PPIE: variants seen among roughly 807,000 people sequenced by gnomAD.
The protein encoded by PPIE is peptidyl-prolyl cis-trans isomerase E.
Under a neutral mutation model 38.4 loss-of-function variants are expected in PPIE, and 20 were observed. That is an observed-to-expected ratio of 0.52 (90% CI 0.37 to 0.76). The LOEUF (loss-of-function observed/expected upper bound fraction) is 0.76. PPIE is among the 30% of genes least tolerant of loss of function. The pLI is 0.00. For missense variants in PPIE, 322 were observed against 385.8 expected (o/e 0.83, Z 1.39); for synonymous variants, 142 against 135.7 (o/e 1.05, Z -0.32).
At chr1:39,762,158 A>G (rs1022353266) in intron 9 of PPIE, among the ~76,000 whole-genome samples, 4 of 152,252 alleles carry the variant, frequency 2.6e-5, no homozygotes, top group African/African-American at 9.6e-5. Flanking sequence ...AAGCATTATC[A>G]TAGGCTCAGA....
Position 39,754,256 on chromosome 1 carries a change from C to T in PPIE, c.*901C>T, listed in dbSNP as rs1648049606. 4.9e-6 allele frequency: 1 copy of T among 202,318 alleles called. No homozygotes were observed. The highest frequency in any genetic ancestry group is 6.5e-5 in the Admixed American group (1 of 15,332). The allele number at this position is 202,318 out of a possible 1,614,324, so 12.5% of individuals were successfully genotyped here. ...TATAGACACAATACAGGCTATGGTC[C>T]CTGTATTAGGGTTTTCTAGAGAAGC... On this transcript the variant is annotated 3_prime_UTR_variant, in exon 10 of 10. Coordinates refer to ENST00000324379, the MANE Select transcript of PPIE (RefSeq NM_006112.4).
intron 9 of PPIE, 33 bp downstream of exon 9, chr1:39,753,085 C>T (rs375447814): frequency 1.6e-5 from 26 of 1,613,150 alleles, no homozygotes; most frequent in Non-Finnish European, 2.1e-5. Context: ...CCTCCTTACC[C>T]AGGCCCTAGG....
At chr1:39,762,690 A>G in intron 9 of PPIE, 2 of 1,487,784 alleles carry the variant, frequency 1.3e-6, no homozygotes, top group Non-Finnish European at 1.8e-6. Flanking sequence ...CACTGTGCAC[A>G]CATATCACGG....
At chr1:39,752,748 G>A (rs1240342038) in intron 8 of PPIE, among the ~76,000 whole-genome samples, 162 bp from the exon 9 acceptor site, 1 of 152,242 alleles carries the variant, frequency 6.6e-6, no homozygotes, top group Non-Finnish European at 1.5e-5. Flanking sequence ...CCATTTCACT[G>A]ACTATTAACT....
intron 9 of PPIE, chr1:39,762,594 A>C: frequency 6.5e-7 from 1 of 1,550,262 alleles, no homozygotes. Flanking sequence ...ACTGGGGGAA[A>C]AGCCAAAAGG....
rs769376730 is a variant in PPIE at position 39,743,943 on chromosome 1, C to CT, written c.384+21dup. On this transcript the variant is annotated intron_variant, in intron 6 of 9. Coordinates refer to ENST00000324379, the MANE Select transcript of PPIE (RefSeq NM_006112.4). ...CCAGGAGGTGAGAATGAAGCTCCTG[C>CT]TTCCAGAGCACAGGCCGGCGCTGTC... is the stretch of plus-strand genomic sequence containing the variant. The CT allele has an allele frequency of 1.3e-6, 2 of 1,574,636 alleles. No individual in the cohort carries two copies. The highest frequency in any genetic ancestry group is 2.2e-5 in the South Asian group (2 of 90,204).
chr1:39,747,455 C>CTTTTTTTTTTTTTTTTT, intron 7 of PPIE: 1 of 72,972 alleles, frequency 1.4e-5, no homozygotes, highest in Non-Finnish European at 2.5e-5. Flanking sequence ...CACATCTTCT[C>CTTTTTTTTTTTTTTTTT]TTTTTTTTTT....
At chr1:39,760,783 C>A (rs192691674), downstream of PPIE, among the ~76,000 whole-genome samples, 13 of 152,268 alleles carry the variant, frequency 8.5e-5, no homozygotes, top group African/African-American at 2.2e-4. Context: ...GGGAGGGACA[C>A]ATGGCAGGGG....
At chr1:39,763,407 C>T (rs1649308089) in intron 9 of PPIE, among the ~76,000 whole-genome samples, 1 of 145,390 alleles carries the variant, frequency 6.9e-6, no homozygotes, top group African/African-American at 2.6e-5. Flanking sequence ...CCGGCCCTCC[C>T]CTGCCCACGC....
chr1:39,763,487 T>C lies in PPIE; in HGVS notation c.838-202T>C, dbSNP rs1430415274. Among the ~76,000 whole-genome samples, 3 of 144,512 alleles carry C rather than the reference T, an allele frequency of 2.1e-5. 1 individual carries two copies. Among genetic ancestry groups the C allele is most frequent in the African/African-American group, 7.9e-5 (3 of 37,762 alleles). 94.8% of individuals were successfully genotyped at this position (144,512 alleles called of 152,430 possible). On this transcript the variant is annotated intron_variant, in intron 9 of 9. Coordinates refer to the PPIE transcript ENST00000356511. Reference sequence around the variant, plus strand: ...CCCTGCAGCAATGCTGACAGCTTAGTTGGTTGATTCAGTCTTCATTTTCAT... The same window carrying C: ...CCCTGCAGCAATGCTGACAGCTTAGCTGGTTGATTCAGTCTTCATTTTCAT...
At chr1:39,742,031 G>A in intron 4 of PPIE, 110 bp downstream of exon 4, 1 of 1,169,482 alleles carries the variant, frequency 8.6e-7, no homozygotes. Context: ...TGCATGGGGA[G>A]GTAAAAATTC....
intron 9 of PPIE, among the ~76,000 whole-genome samples, chr1:39,761,773 C>T (rs1464236379): frequency 6.6e-6 from 1 of 152,234 alleles, no homozygotes; most frequent in South Asian, 2.1e-4. Context: ...CAGGCCCAGT[C>T]TCTCCCCACT....
rs747004240 is a variant in PPIE, at chr1:39,753,358, C to T, written c.*3C>T. ...CCGACTGTGGGGAGTACGTGTGAGG[C>T]GGCACTCTCTCTGCTTCCCCCTCCG... On this transcript the variant is annotated 3_prime_UTR_variant, in exon 10 of 10. Transcript: ENST00000324379. 25 of 1,613,542 alleles carry T rather than the reference C, an allele frequency of 1.5e-5. No individual in the cohort carries two copies. The highest frequency in any genetic ancestry group is 1.4e-4 in the South Asian group (13 of 91,020).
At chr1:39,761,891 CTGTT>C (rs371661655) in intron 9 of PPIE, among the ~76,000 whole-genome samples, 7 of 152,380 alleles carry the variant, frequency 4.6e-5, no homozygotes, top group South Asian at 4.1e-4. Context: ...CAGCGCCTGT[CTGTT>C]TGCTGCCCAG....
chr1:39,756,314 G>A lies in PPIE; in HGVS notation c.*2959G>A. ...TCCCCATTCCACATTCCCATTGCTGGACCAGCACCAGGACTGGGCACAGGG... is the reference window on the plus strand; with the variant it reads ...TCCCCATTCCACATTCCCATTGCTGAACCAGCACCAGGACTGGGCACAGGG... On this transcript the variant is annotated 3_prime_UTR_variant, in exon 10 of 10. Transcript: ENST00000324379. 1.0e-6 allele frequency: 1 copy of A among 985,434 alleles called. No homozygotes were observed. Among genetic ancestry groups the A allele is most frequent in the African/African-American group, 1.7e-5 (1 of 57,348 alleles). The allele number at this position is 985,434 out of a possible 1,614,324, so 61.0% of individuals were successfully genotyped here.
At position 39,753,803 on chromosome 1, in the gene PPIE, T is replaced by C. The variant is rs2124373217; in HGVS notation, c.*448T>C. 1 of 995,422 alleles carries C rather than the reference T, an allele frequency of 1.0e-6. No homozygotes were observed. The highest frequency in any genetic ancestry group is 4.5e-5 in the South Asian group (1 of 22,108). 61.7% of individuals were successfully genotyped at this position (995,422 alleles called of 1,614,324 possible). On this transcript the variant is annotated 3_prime_UTR_variant, in exon 10 of 10. Transcript: ENST00000324379. ...GAGTGGGGAGAGCAGAGCATCTTTT[T>C]CACAGCTTTCATTTCCTCCCTTGGG... is the stretch of plus-strand genomic sequence containing the variant.
At chr1:39,762,732 C>T (rs374940723) in intron 9 of PPIE, 42 of 1,423,616 alleles carry the variant, frequency 3.0e-5, no homozygotes, top group Admixed American at 5.4e-5. Flanking sequence ...CTCGGCGGCC[C>T]GTGTGCTAAG....
In PPIE at chr1:39,753,537, G is replaced by C. The variant is rs1647978813; in HGVS notation, c.*182G>C. 1 of 1,409,610 alleles carries C rather than the reference G, an allele frequency of 7.1e-7. No individual in the cohort carries two copies. 87.3% of individuals were successfully genotyped at this position (1,409,610 alleles called of 1,614,324 possible). ...GCAGGCACAGCCTGGACTATTCCCA[G>C]GCACAGCTGTGGGCCCAGGAGCCAG... On this transcript the variant is annotated 3_prime_UTR_variant, in exon 10 of 10. Transcript: ENST00000324379.
In PPIE at chr1:39,756,034, G is replaced by A; in HGVS notation, c.*2679G>A. On this transcript the variant is annotated 3_prime_UTR_variant, in exon 10 of 10. Coordinates refer to ENST00000324379, the MANE Select transcript of PPIE (RefSeq NM_006112.4). ...GTCCCCATGATTGGCCAGGACCTGT[G>A]TGGAGAGACACAGGAGACAAGACCC... The A allele has an allele frequency of 1.6e-5, 16 of 985,424 alleles. No individual in the cohort carries two copies. Among genetic ancestry groups the A allele is most frequent in the Non-Finnish European group, 1.9e-5 (16 of 829,920 alleles). The allele number at this position is 985,424 out of a possible 1,614,324, so 61.0% of individuals were successfully genotyped here.
Sources: gnomAD v4.1 joint callset for allele counts (sites outside exome capture counted in the v4.1 genomes callset) on GRCh38, gnomAD v4.1.1 for gene constraint, MANE v1.5 for transcripts, NCBI Gene and HGNC (gene_info 2026-07-23, HGNC 2026-07-21) for gene names.